ZZEF1: variants seen among roughly 807,000 people sequenced by gnomAD.
The protein encoded by ZZEF1 is zinc finger ZZ-type and EF-hand domain containing 1.
Under a neutral mutation model 342.8 loss-of-function variants are expected in ZZEF1, and 157 were observed. The ratio of observed to expected loss-of-function variants is 0.46; its 90% CI spans 0.40 to 0.52. The LOEUF is 0.52. ZZEF1 is among the 20% of genes least tolerant of loss of function. ZZEF1 has a pLI of 0.00. For missense variants in ZZEF1, 3,480 were observed against 3,725.6 expected (o/e 0.93, Z 1.72); for synonymous variants, 1,505 against 1,429.1 (o/e 1.05, Z -1.20).
chr17:4,039,497 T>G (rs370878131), intron 39 of ZZEF1, among the ~76,000 whole-genome samples: 2 of 138,664 alleles, frequency 1.4e-5, no homozygotes, highest in Non-Finnish European at 3.1e-5. Context: ...AACAAACAAA[T>G]CCGCCCTGCA....
Position 4,014,730 on chromosome 17 carries a change from G to A in ZZEF1, c.8146-215C>T, listed in dbSNP as rs1424208230. Among the ~76,000 whole-genome samples the A allele has an allele frequency of 6.6e-6, 1 of 152,170 alleles. No individual in the cohort carries two copies. The highest frequency in any genetic ancestry group is 1.5e-5 in the Non-Finnish European group (1 of 68,026). On this transcript the variant is annotated intron_variant, in intron 49 of 54. Coordinates refer to ENST00000381638, the MANE Select transcript of ZZEF1 (RefSeq NM_015113.4). The surrounding 1 kb of genome is among the most constrained non-coding windows in gnomAD (Gnocchi z 4.4). ...GGCACAGCGGGGCAGGCAACACGGG[G>A]CCCCAGAGAAAGAGTGTCAGGCTGC...
intron 37 of ZZEF1, among the ~76,000 whole-genome samples, chr17:4,047,095 C>T (rs770154426): frequency 5.3e-5 from 8 of 152,078 alleles, no homozygotes; most frequent in Non-Finnish European, 7.4e-5. Flanking sequence ...ATACCCTGGG[C>T]GCACCCGGCT....
intron 46 of ZZEF1, among the ~76,000 whole-genome samples, chr17:4,019,335 G>C (rs938877362): frequency 6.6e-5 from 10 of 152,128 alleles, no homozygotes; most frequent in African/African-American, 2.2e-4. Context: ...AAAATATCTT[G>C]AGCAGAAGTT....
At position 4,058,125 on chromosome 17, in the gene ZZEF1, C is replaced by A; in HGVS notation, c.5034G>T (p.Gln1678His). 1 of 1,613,856 alleles carries A rather than the reference C, an allele frequency of 6.2e-7. No individual in the cohort carries two copies. The highest frequency in any genetic ancestry group is 1.1e-5 in the South Asian group (1 of 91,018). ...RSLLPALSCV[Q>H]TALLHLLDMG... ...TATCCAAAAGATGAAGCAGGGCTGTCTGAACACAGGATAAGGCAGGGAGCA... is the reference window on the plus strand; with the variant it reads ...TATCCAAAAGATGAAGCAGGGCTGTATGAACACAGGATAAGGCAGGGAGCA... Residue 1678 changes from glutamine (Q) to histidine (H), a missense_variant, in exon 32 of 55, where the codon CAG becomes CAT. Physicochemically the swap from Gln to His is conservative, Grantham distance 24 (BLOSUM62 0). This residue lies in a region of ZZEF1 where 1,528 missense variants were observed against 1,624.1 expected (regional missense o/e 0.94). Transcript: ENST00000381638.
chr17:4,065,905 A>G (rs368465739), intron 28 of ZZEF1, among the ~76,000 whole-genome samples: 20 of 152,078 alleles, frequency 1.3e-4, no homozygotes, highest in African/African-American at 4.6e-4. Context: ...CTGAGGTGGG[A>G]GGATCACTTG....
intron 5 of ZZEF1, 113 bp downstream of exon 5, chr17:4,112,496 T>A: frequency 9.5e-7 from 1 of 1,048,318 alleles, no homozygotes; most frequent in South Asian, 1.4e-5. Context: ...TGAACACTTT[T>A]GTGTACGTCC....
At chr17:4,060,652 C>T (rs2057267658) in intron 30 of ZZEF1, among the ~76,000 whole-genome samples, 2 of 151,776 alleles carry the variant, frequency 1.3e-5, no homozygotes, top group South Asian at 4.2e-4. Context: ...CTCCTGATGC[C>T]ACCACTACCT....
intron 8 of ZZEF1, among the ~76,000 whole-genome samples, chr17:4,103,300 T>C (rs2058156706): frequency 6.6e-6 from 1 of 151,958 alleles, no homozygotes; most frequent in Non-Finnish European, 1.5e-5. Flanking sequence ...TCCAGCACTT[T>C]GGGAGGCTGA....
intron 52 of ZZEF1, among the ~76,000 whole-genome samples, chr17:4,010,018 G>A (rs905533389): frequency 3.9e-5 from 6 of 152,242 alleles, no homozygotes; most frequent in Middle Eastern, 3.4e-3. Flanking sequence ...GGATTACTGT[G>A]CATCTTGAAA....
chr17:4,142,494 G>A, intron 1 of ZZEF1, 48 bp downstream of exon 1: 1 of 1,571,028 alleles, frequency 6.4e-7, no homozygotes, highest in Non-Finnish European at 8.6e-7. Context: ...TCAGTCCCCT[G>A]GGGGCGACCG....
At chr17:4,096,009 C>G (rs1356633508) in intron 10 of ZZEF1, 30 bp from the exon 11 acceptor site, 2 of 1,573,096 alleles carry the variant, frequency 1.3e-6, no homozygotes, top group Middle Eastern at 1.7e-4. Context: ...TGAAGTCTAT[C>G]AAAGGGGCAA....
At chr17:4,122,236 G>T (rs1379328879) in intron 2 of ZZEF1, among the ~76,000 whole-genome samples, 1 of 152,082 alleles carries the variant, frequency 6.6e-6, no homozygotes, top group East Asian at 1.9e-4. Context: ...AAGACCGAAA[G>T]GAAAATGTAC....
chr17:4,074,355 G>A lies in ZZEF1; in HGVS notation c.3484-4C>T. 6.2e-7 allele frequency: 1 copy of A among 1,614,114 alleles called. No homozygotes were observed. The highest frequency in any genetic ancestry group is 8.5e-7 in the Non-Finnish European group (1 of 1,180,002). On this transcript the variant is annotated splice_polypyrimidine_tract_variant and splice_region_variant and intron_variant, in intron 23 of 54. Coordinates refer to ENST00000381638, the MANE Select transcript of ZZEF1 (RefSeq NM_015113.4). Reference sequence around the variant, plus strand: ...GACCGGCCTTGAAGGTCACTTTCTAGAGACAAACAGAAATCATGTGGTCAG... The same window carrying A: ...GACCGGCCTTGAAGGTCACTTTCTAAAGACAAACAGAAATCATGTGGTCAG...
At chr17:4,053,198 T>A (rs1279607672) in intron 34 of ZZEF1, among the ~76,000 whole-genome samples, 1 of 152,210 alleles carries the variant, frequency 6.6e-6, no homozygotes, top group Non-Finnish European at 1.5e-5. Context: ...AAACCTTCCC[T>A]GCTGTCTCTA....
chr17:4,035,054 TA>T lies in ZZEF1; in HGVS notation c.6307-763del, dbSNP rs2056631295. Among the ~76,000 whole-genome samples the T allele has an allele frequency of 2.0e-5, 3 of 152,340 alleles. 1 individual carries two copies. In the South Asian group the frequency reaches 6.2e-4, roughly 32 times the overall value. ...ATATATATATTTGTGTATGTATGTA[TA>T]TGTAAAATAAATTTAAAATTTTAAA... On this transcript the variant is annotated intron_variant, in intron 39 of 54. Transcript: ENST00000381638.
chr17:4,012,441 T>G (rs1315761211), intron 52 of ZZEF1, among the ~76,000 whole-genome samples: 36 of 152,216 alleles, frequency 2.4e-4, no homozygotes, highest in Non-Finnish European at 1.5e-5. Flanking sequence ...ATATCATCAC[T>G]GCACTCTGGC....
At chr17:4,026,217 T>C (rs1374315166) in intron 42 of ZZEF1, among the ~76,000 whole-genome samples, 1 of 152,206 alleles carries the variant, frequency 6.6e-6, no homozygotes, top group Non-Finnish European at 1.5e-5. Context: ...ATACTTTGTC[T>C]TTCCAACAGT....
chr17:4,135,006 G>A (rs1400921199), intron 1 of ZZEF1, among the ~76,000 whole-genome samples: 2 of 152,112 alleles, frequency 1.3e-5, no homozygotes, highest in African/African-American at 4.8e-5. Context: ...CAGGGCAGGT[G>A]ATGAAGACAG....
chr17:4,059,636 C>T (rs562387223), intron 30 of ZZEF1, among the ~76,000 whole-genome samples: 1 of 152,268 alleles, frequency 6.6e-6, no homozygotes, highest in Non-Finnish European at 1.5e-5. Context: ...TCACGCTCAC[C>T]CCTCTGCCTC....
Sources: allele counts gnomAD v4.1 joint callset (sites outside exome capture counted in the v4.1 genomes callset), GRCh38; gene constraint gnomAD v4.1.1; regional missense constraint gnomAD v4.1.1; non-coding constraint Gnocchi (gnomAD v3.1); transcripts MANE v1.5; gene names NCBI Gene and HGNC (gene_info 2026-07-23, HGNC 2026-07-21).